Variants in GPHN observed in about 807,000 individuals in gnomAD.
GPHN encodes the protein gephyrin.
GPHN carries 17 observed loss-of-function variants against 95.5 expected under a neutral mutation model. The ratio of observed to expected loss-of-function variants is 0.18; its 90% CI spans 0.12 to 0.27. GPHN has a LOEUF of 0.27. Among genes scored for constraint, GPHN ranks in the 10% least tolerant of loss-of-function variants. GPHN has a pLI of 1.00. For missense variants in GPHN, 660 were observed against 978.1 expected (o/e 0.67, Z 4.34); for synonymous variants, 320 against 322.5 (o/e 0.99, Z 0.08).
chr14:67,144,501 A>G (rs541558269), intron 18 of GPHN, among the ~76,000 whole-genome samples: 1 of 151,916 alleles, frequency 6.6e-6, no homozygotes, highest in South Asian at 2.1e-4. Flanking sequence ...TTTTGGCTCA[A>G]AGATATTTCA....
At chr14:67,715,846 G>T in the GPHN span, among the ~76,000 whole-genome samples, 1 of 152,204 alleles carries the variant, frequency 6.6e-6, no homozygotes, top group African/African-American at 2.4e-5. Context: ...TTGGTTCCAT[G>T]TGCTGGGGGA....
At chr14:67,066,726 T>C (rs948395116) in intron 11 of GPHN, among the ~76,000 whole-genome samples, 8 of 152,230 alleles carry the variant, frequency 5.3e-5, no homozygotes, top group Non-Finnish European at 1.0e-4. Context: ...AAATTTGCTA[T>C]TGAAGCTAGT....
At chr14:66,810,865 G>T (rs2153482447) in intron 3 of GPHN, among the ~76,000 whole-genome samples, 1 of 152,210 alleles carries the variant, frequency 6.6e-6, no homozygotes, top group East Asian at 1.9e-4. Flanking sequence ...ACTGGAATGG[G>T]TACCCAAGTC....
intron 9 of GPHN, among the ~76,000 whole-genome samples, chr14:66,974,584 A>T (rs1440825017): frequency 6.6e-6 from 1 of 152,132 alleles, no homozygotes; most frequent in Non-Finnish European, 1.5e-5. Context: ...TAGAATTAAC[A>T]TTTTATAGCT....
chr14:66,883,406 C>T (rs112808571), intron 5 of GPHN, among the ~76,000 whole-genome samples: 2 of 151,800 alleles, frequency 1.3e-5, no homozygotes, highest in African/African-American at 4.8e-5. Context: ...TGTATTTTTA[C>T]ATTTATTTCA....
At chr14:67,105,067 A>G (rs767462718) in intron 13 of GPHN, among the ~76,000 whole-genome samples, 4 of 151,810 alleles carry the variant, frequency 2.6e-5, no homozygotes, top group African/African-American at 4.8e-5. Context: ...TGGGAAATCT[A>G]TTTATCTCTT....
At chr14:67,260,932 A>G in the GPHN span, among the ~76,000 whole-genome samples, 7 of 152,308 alleles carry the variant, frequency 4.6e-5, no homozygotes, top group East Asian at 7.7e-4. Context: ...GTGGAGCCAT[A>G]TGAATGTCAG....
chr14:67,574,379 C>T, the GPHN span: 2 of 1,585,846 alleles, frequency 1.3e-6, no homozygotes, highest in Non-Finnish European at 8.6e-7. The surrounding 1 kb of genome is among the most constrained non-coding windows in gnomAD (Gnocchi z 4.2). Context: ...GCACCAAGCC[C>T]ACCGTGAAGG....
chr14:66,985,555 G>T, intron 9 of GPHN: 1 of 596,964 alleles, frequency 1.7e-6, no homozygotes, highest in Non-Finnish European at 2.9e-6. Flanking sequence ...TAACTCCTTG[G>T]CCTCCTAAGA....
the GPHN span, among the ~76,000 whole-genome samples, chr14:67,544,485 A>G: frequency 6.6e-6 from 1 of 152,212 alleles, no homozygotes; most frequent in African/African-American, 2.4e-5. Flanking sequence ...ATGACTAAAT[A>G]CTTGAGGAAA....
intron 4 of GPHN, among the ~76,000 whole-genome samples, chr14:66,838,447 CA>C (rs1236608665): frequency 6.6e-6 from 1 of 151,950 alleles, no homozygotes; most frequent in African/African-American, 2.4e-5. Context: ...AAAGAAATAT[CA>C]AAGAAGACAT....
intron 2 of GPHN, among the ~76,000 whole-genome samples, chr14:66,695,401 G>A (rs1374578034): frequency 1.3e-5 from 2 of 152,164 alleles, no homozygotes; most frequent in African/African-American, 4.8e-5. Flanking sequence ...TGAGGATGTG[G>A]GGCAAGAAAC....
chr14:66,790,051 C>T (rs1305302486), intron 3 of GPHN, among the ~76,000 whole-genome samples: 2 of 152,070 alleles, frequency 1.3e-5, no homozygotes, highest in Admixed American at 1.3e-4. Flanking sequence ...GAAGTTTTTC[C>T]CAAAATGGGG....
chr14:67,674,441 T>A, the GPHN span: 26 of 1,609,406 alleles, frequency 1.6e-5, no homozygotes, highest in South Asian at 2.8e-4. Context: ...CCGCGGAAGA[T>A]CTCGTGCAGC....
chr14:66,807,939 A>G (rs1279592355), intron 3 of GPHN, among the ~76,000 whole-genome samples: 1 of 152,244 alleles, frequency 6.6e-6, no homozygotes, highest in Non-Finnish European at 1.5e-5. Flanking sequence ...GGAGTATGCA[A>G]GTGAATTCTG....
intron 1 of GPHN, among the ~76,000 whole-genome samples, chr14:66,544,205 A>G (rs1456995344): frequency 6.6e-6 from 1 of 152,186 alleles, no homozygotes; most frequent in African/African-American, 2.4e-5. Flanking sequence ...CTCTCTGCCT[A>G]GAATACTCTT....
intron 1 of GPHN, among the ~76,000 whole-genome samples, chr14:66,611,271 A>G (rs929333854): frequency 6.6e-6 from 1 of 152,166 alleles, no homozygotes; most frequent in African/African-American, 2.4e-5. Context: ...CACTAAGGTT[A>G]ATTCCATTGA....
chr14:67,540,159 T>A, the GPHN span, among the ~76,000 whole-genome samples: 1 of 152,168 alleles, frequency 6.6e-6, no homozygotes, highest in African/African-American at 2.4e-5. Flanking sequence ...AGAGATCATA[T>A]AAAGAACTCC....
At chr14:66,885,415 C>T (rs931114274) in intron 5 of GPHN, among the ~76,000 whole-genome samples, 7 of 152,116 alleles carry the variant, frequency 4.6e-5, no homozygotes, top group Admixed American at 6.6e-5. Flanking sequence ...GTGCTACTAG[C>T]CAACCATTCT....
Sources: gnomAD v4.1 joint callset for allele counts (sites outside exome capture counted in the v4.1 genomes callset) on GRCh38, gnomAD v4.1.1 for gene constraint, Gnocchi (gnomAD v3.1) non-coding constraint, MANE v1.5 for transcripts, NCBI Gene and HGNC (gene_info 2026-07-23, HGNC 2026-07-21) for gene names.